FAM149B1: variants seen among roughly 807,000 people sequenced by gnomAD.
The protein encoded by FAM149B1 is primary cilium assembly protein FAM149B1.
FAM149B1 carries 56 observed loss-of-function variants against 75.3 expected under a neutral mutation model. That is an observed-to-expected ratio of 0.74 (90% CI 0.60 to 0.93). FAM149B1 has a LOEUF of 0.93. Ranked by LOEUF, FAM149B1 falls within the 40% of genes least tolerant of loss-of-function variation. FAM149B1 has a pLI of 0.00. For missense variants in FAM149B1, 639 were observed against 708.4 expected (o/e 0.90, Z 1.11); for synonymous variants, 259 against 256.1 (o/e 1.01, Z -0.11).
rs1403901182 is a variant in FAM149B1 at position 73,228,195 on chromosome 10, G to T, written c.1023+11G>T. 21 of 1,551,608 alleles carry T rather than the reference G, an allele frequency of 1.4e-5. No homozygotes were observed. The highest frequency in any genetic ancestry group is 2.0e-5 in the Admixed American group (1 of 51,012). The stretch of plus-strand genomic sequence containing the variant: ...ATTACCTCAAATCCGGTAAGCCCCA[G>T]AGGGATCAGTTGGAGACCCCAGGGC... On this transcript the variant is annotated intron_variant, in intron 8 of 13. Coordinates refer to ENST00000242505, the MANE Select transcript of FAM149B1 (RefSeq NM_173348.2).
chr10:73,198,845 G>A (rs2042867370), intron 5 of FAM149B1, among the ~76,000 whole-genome samples: 2 of 151,964 alleles, frequency 1.3e-5, no homozygotes, highest in Admixed American at 6.6e-5. Context: ...AATGGACAAA[G>A]GACTTGAATA....
At position 73,240,742 on chromosome 10, in the gene FAM149B1, C is replaced by T. The variant is rs1179450964; in HGVS notation, c.1676-204C>T. Among the ~76,000 whole-genome samples the T allele has an allele frequency of 2.0e-5, 3 of 151,294 alleles. No individual in the cohort carries two copies. The East Asian group carries it at 5.8e-4, about 29-fold the overall frequency. On this transcript the variant is annotated intron_variant, in intron 13 of 13. Transcript: ENST00000242505. ...AAAAAAAAAAAAACCTCAGGTATAACTTATGTAACACTGAAGTGGAAGTGA... is the reference window on the plus strand; with the variant it reads ...AAAAAAAAAAAAACCTCAGGTATAATTTATGTAACACTGAAGTGGAAGTGA...
At chr10:73,226,682 A>T (rs1238762510) in intron 7 of FAM149B1, among the ~76,000 whole-genome samples, 3 of 152,236 alleles carry the variant, frequency 2.0e-5, no homozygotes, top group Non-Finnish European at 2.9e-5. Flanking sequence ...AACCAGTTAC[A>T]TGAAAGTATA....
intron 1 of FAM149B1, among the ~76,000 whole-genome samples, chr10:73,174,263 C>T (rs1255677033): frequency 1.3e-5 from 2 of 152,062 alleles, no homozygotes; most frequent in Non-Finnish European, 2.9e-5. Flanking sequence ...ATGGCTATAC[C>T]ATTTGACATT....
Position 73,241,098 on chromosome 10 carries a change from G to C in FAM149B1, c.*79G>C. 2 of 834,226 alleles carry C rather than the reference G, an allele frequency of 2.4e-6. No homozygotes were observed. The highest frequency in any genetic ancestry group is 2.9e-5 in the South Asian group (2 of 69,350). The allele number at this position is 834,226 out of a possible 1,614,324, so 51.7% of individuals were successfully genotyped here. On this transcript the variant is annotated 3_prime_UTR_variant, in exon 14 of 14. Transcript: ENST00000242505. The stretch of plus-strand genomic sequence containing the variant: ...GTATTCAGTCATCAAGTGATGCAGA[G>C]CTTGTATAGAAGATCGACTAGAAAT...
chr10:73,215,236 G>T (rs148161384), intron 7 of FAM149B1, among the ~76,000 whole-genome samples: 1,575 of 152,224 alleles, frequency 0.01, 29 homozygotes, highest in African/African-American at 0.034. Flanking sequence ...GGCGAGGCTG[G>T]TCTTGAACTC....
chr10:73,212,868 T>C (rs979102096), intron 7 of FAM149B1, among the ~76,000 whole-genome samples: 2 of 151,286 alleles, frequency 1.3e-5, no homozygotes, highest in African/African-American at 2.4e-5. Context: ...TCTGTGTTTC[T>C]CTCTCTCTCT....
In FAM149B1 at chr10:73,241,445, T is replaced by C. The variant is rs1564721532; in HGVS notation, c.*426T>C. On this transcript the variant is annotated 3_prime_UTR_variant, in exon 14 of 14. Transcript: ENST00000242505. ...GCCTGTGTTCATTTCTGGAGAGTTG[T>C]ACTCAGTTTTAAGTCATTTTGCTGT... is the stretch of plus-strand genomic sequence containing the variant. 5.4e-6 allele frequency: 1 copy of C among 185,112 alleles called. No individual in the cohort carries two copies. Among genetic ancestry groups the C allele is most frequent in the Non-Finnish European group, 1.1e-5 (1 of 87,710 alleles). The allele number at this position is 185,112 out of a possible 1,614,324, so 11.5% of individuals were successfully genotyped here. A position where few individuals can be genotyped will look rare whatever the true frequency, so the allele number is the denominator to read the frequency against.
chr10:73,236,467 G>T (rs1264101395), intron 12 of FAM149B1, among the ~76,000 whole-genome samples: 1 of 148,706 alleles, frequency 6.7e-6, no homozygotes, highest in Non-Finnish European at 1.5e-5. Context: ...AGGGTGGAGT[G>T]TAATGGCGCA....
Position 73,232,929 on chromosome 10 carries a change from T to G in FAM149B1, c.1128-10T>G, listed in dbSNP as rs573667456. The G allele has an allele frequency of 6.9e-5, 102 of 1,488,360 alleles. 3 individuals are homozygous for G. In the South Asian group the frequency reaches 1.2e-3, roughly 17 times the overall value. The allele number at this position is 1,488,360 out of a possible 1,614,324, so 92.2% of individuals were successfully genotyped here. A position where few individuals can be genotyped will look rare whatever the true frequency, so the allele number is the denominator to read the frequency against. ...TTTACTTCATTGTGGGTTTCTGATT[T>G]GGCTACTAGAGATCTTGATGACAAG... On this transcript the variant is annotated splice_polypyrimidine_tract_variant and intron_variant, in intron 9 of 13. Transcript: ENST00000242505.
At chr10:73,220,500 C>T (rs1004887068) in intron 7 of FAM149B1, among the ~76,000 whole-genome samples, 1 of 152,112 alleles carries the variant, frequency 6.6e-6, no homozygotes, top group African/African-American at 2.4e-5. Context: ...TTCATAATAG[C>T]TGGAAACAAC....
intron 5 of FAM149B1, among the ~76,000 whole-genome samples, chr10:73,196,091 C>T (rs1256333544): frequency 6.6e-6 from 1 of 152,108 alleles, no homozygotes; most frequent in Admixed American, 6.6e-5. Flanking sequence ...AAGCTAGTAC[C>T]TTTGGTTTTG....
At chr10:73,231,803 A>G (rs7068969) in intron 9 of FAM149B1, among the ~76,000 whole-genome samples, 23,315 of 152,066 alleles carry the variant, frequency 0.15, 2,934 homozygotes, top group African/African-American at 0.32. Context: ...TCTAGAGACC[A>G]ATCTAAAAGT....
At chr10:73,215,267 C>T (rs1055234570) in intron 7 of FAM149B1, among the ~76,000 whole-genome samples, 1 of 152,184 alleles carries the variant, frequency 6.6e-6, no homozygotes, top group African/African-American at 2.4e-5. Flanking sequence ...GTGATCTGCC[C>T]ACCTTGGCCT....
chr10:73,193,795 G>A (rs140822221), intron 5 of FAM149B1, among the ~76,000 whole-genome samples: 2 of 152,212 alleles, frequency 1.3e-5, no homozygotes, highest in African/African-American at 2.4e-5. Context: ...GACCTTTCCT[G>A]TAGTGGATTA....
At position 73,243,816 on chromosome 10, in the gene FAM149B1, G is replaced by A; in HGVS notation, c.*2797G>A. The A allele has an allele frequency of 1.9e-6, 3 of 1,582,960 alleles. No individual in the cohort carries two copies. The highest frequency in any genetic ancestry group is 2.6e-6 in the Non-Finnish European group (3 of 1,156,780). On this transcript the variant is annotated 3_prime_UTR_variant, in exon 14 of 14. Transcript: ENST00000242505. ...TAGCAGTAGGAATCAGATCATTAAA[G>A]ATGTGGCAACAAACTGCCAAGTTTA... is the stretch of plus-strand genomic sequence containing the variant.
chr10:73,206,516 C>T (rs1377328127), intron 5 of FAM149B1, among the ~76,000 whole-genome samples: 1 of 152,212 alleles, frequency 6.6e-6, no homozygotes, highest in African/African-American at 2.4e-5. Context: ...ATAGCCAAGA[C>T]AATGGGAAAA....
intron 7 of FAM149B1, among the ~76,000 whole-genome samples, chr10:73,227,356 A>C (rs1324595928): frequency 2.0e-5 from 3 of 152,274 alleles, no homozygotes; most frequent in Non-Finnish European, 4.4e-5. Flanking sequence ...CAGTGCCGGG[A>C]TTACAGATGT....
intron 3 of FAM149B1, among the ~76,000 whole-genome samples, chr10:73,190,587 A>C (rs1355763160): frequency 6.6e-6 from 1 of 152,220 alleles, no homozygotes; most frequent in Non-Finnish European, 1.5e-5. Flanking sequence ...CATTATTTTC[A>C]AACATAGATA....
Sources: gnomAD v4.1 joint callset for allele counts (sites outside exome capture counted in the v4.1 genomes callset) on GRCh38, gnomAD v4.1.1 for gene constraint, MANE v1.5 for transcripts, NCBI Gene and HGNC (gene_info 2026-07-23, HGNC 2026-07-21) for gene names.